LGSN: variants seen among roughly 807,000 people sequenced by gnomAD.
The protein encoded by LGSN is lengsin.
Under a neutral mutation model 19.5 loss-of-function variants are expected in LGSN, and 21 were observed. That is an observed-to-expected ratio of 1.07 (90% CI 0.76 to 1.55). LGSN has a LOEUF of 1.55. Among genes scored for constraint, LGSN ranks in the 40% most tolerant of loss-of-function variants. LGSN has a pLI of 0.00. For synonymous variants in LGSN, 257 were observed against 215.6 expected (o/e 1.19, Z -1.68); for missense variants, 673 against 608.5 (o/e 1.11, Z -1.12).
the LGSN span, among the ~76,000 whole-genome samples, chr6:63,557,588 A>T: frequency 6.6e-6 from 1 of 152,136 alleles, no homozygotes; most frequent in East Asian, 1.9e-4. Flanking sequence ...ATATAAATTA[A>T]TACTAGGTTT....
chr6:63,310,793 G>A (rs371410710), intron 1 of LGSN, among the ~76,000 whole-genome samples: 1 of 152,124 alleles, frequency 6.6e-6, no homozygotes, highest in African/African-American at 2.4e-5. Flanking sequence ...GCTGTAAACT[G>A]GATGCTTATG....
the LGSN span, among the ~76,000 whole-genome samples, chr6:63,369,243 G>A: frequency 6.6e-6 from 1 of 152,164 alleles, no homozygotes. Context: ...ACTTTTTGAA[G>A]TGTAAATAGA....
At chr6:63,373,014 CCT>C in the LGSN span, among the ~76,000 whole-genome samples, 175 of 152,210 alleles carry the variant, frequency 1.1e-3, 2 homozygotes, top group Non-Finnish European at 8.8e-5. Context: ...CACAAAATAT[CCT>C]CTGTTACATT....
the LGSN span, among the ~76,000 whole-genome samples, chr6:63,363,324 A>G: frequency 3.3e-5 from 5 of 152,264 alleles, no homozygotes; most frequent in Admixed American, 3.3e-4. Context: ...CTCACCAGCA[A>G]CAGAACAAAG....
the LGSN span, among the ~76,000 whole-genome samples, chr6:63,511,130 C>T: frequency 6.6e-6 from 1 of 152,140 alleles, no homozygotes; most frequent in South Asian, 2.1e-4. Flanking sequence ...CCTGGTTCTA[C>T]ATTCCCACCT....
At chr6:63,410,762 A>G in the LGSN span, among the ~76,000 whole-genome samples, 1 of 152,160 alleles carries the variant, frequency 6.6e-6, no homozygotes, top group Non-Finnish European at 1.5e-5. Context: ...AGTATTTAGT[A>G]TGGTATTGGG....
Position 63,276,843 on chromosome 6 carries a change from A to G in LGSN, c.*3178T>C, listed in dbSNP as rs1405506872. 6.6e-6 allele frequency: 1 copy of G among 152,216 alleles called. No individual in the cohort carries two copies. The highest frequency in any genetic ancestry group is 1.5e-5 in the Non-Finnish European group (1 of 68,042). 9.4% of individuals were successfully genotyped at this position (152,216 alleles called of 1,614,324 possible). The stretch of plus-strand genomic sequence containing the variant: ...AGCAGAAAGTCCTTTCAACAATAGA[A>G]AGCCTATGAACAGATGAAAGAAATA... On this transcript the variant is annotated 3_prime_UTR_variant, in exon 4 of 4. Transcript: ENST00000370657.
At chr6:63,412,494 G>GAAAGAAAGAAAGAAAGAAAC in the LGSN span, among the ~76,000 whole-genome samples, 4 of 81,534 alleles carry the variant, frequency 4.9e-5, no homozygotes, top group African/African-American at 2.6e-4. Flanking sequence ...AAGAAAGAAA[G>GAAAGAAAGAAAGAAAGAAAC]AAAGAAAGAA....
the LGSN span, among the ~76,000 whole-genome samples, chr6:63,510,448 C>A: frequency 7.4e-6 from 1 of 134,310 alleles, no homozygotes. Flanking sequence ...GTTTGACTAC[C>A]TTTCTTTTTT....
intron 1 of LGSN, among the ~76,000 whole-genome samples, chr6:63,312,438 T>C (rs1426427495): frequency 6.6e-6 from 1 of 152,248 alleles, no homozygotes; most frequent in Non-Finnish European, 1.5e-5. Flanking sequence ...CTCATAGTTA[T>C]GTTGTCTTCA....
At chr6:63,486,716 A>C in the LGSN span, among the ~76,000 whole-genome samples, 1 of 122,206 alleles carries the variant, frequency 8.2e-6, no homozygotes, top group Admixed American at 1.1e-4. Flanking sequence ...ACGGAGTCTC[A>C]CTCCATTGCC....
chr6:63,495,488 T>G, the LGSN span, among the ~76,000 whole-genome samples: 1 of 110,094 alleles, frequency 9.1e-6, no homozygotes, highest in African/African-American at 4.3e-5. Flanking sequence ...AGATGGAGTC[T>G]CAGTCTGTAG....
At chr6:63,528,095 C>T in the LGSN span, 1 of 152,180 alleles carries the variant, frequency 6.6e-6, no homozygotes, top group Admixed American at 6.5e-5. Context: ...GTAAGTGTGA[C>T]TTCCTCACTT....
chr6:63,301,303 T>C (rs1768174414), intron 1 of LGSN, among the ~76,000 whole-genome samples: 1 of 151,886 alleles, frequency 6.6e-6, no homozygotes, highest in Non-Finnish European at 1.5e-5. Flanking sequence ...AAAAAATAAA[T>C]ACAATAAAAT....
the LGSN span, among the ~76,000 whole-genome samples, chr6:63,471,014 C>T: frequency 1.4e-5 from 2 of 146,960 alleles, no homozygotes; most frequent in Non-Finnish European, 3.0e-5. Flanking sequence ...AATCTCAGCT[C>T]ACTGCAACTT....
chr6:63,378,096 G>A, the LGSN span, among the ~76,000 whole-genome samples: 1 of 149,552 alleles, frequency 6.7e-6, no homozygotes, highest in Non-Finnish European at 1.5e-5. Flanking sequence ...AATCTAGAAA[G>A]AGAAAAGTAT....
the LGSN span, among the ~76,000 whole-genome samples, chr6:63,400,700 A>G: frequency 6.6e-6 from 1 of 152,258 alleles, no homozygotes; most frequent in Non-Finnish European, 1.5e-5. Flanking sequence ...TGTACAATAA[A>G]ACATAAATTT....
the LGSN span, among the ~76,000 whole-genome samples, chr6:63,511,492 G>A: frequency 6.6e-6 from 1 of 152,094 alleles, no homozygotes; most frequent in Non-Finnish European, 1.5e-5. Flanking sequence ...CTGACCTCAG[G>A]TGATCCACCC....
At chr6:63,404,583 G>A in the LGSN span, among the ~76,000 whole-genome samples, 6 of 151,964 alleles carry the variant, frequency 3.9e-5, no homozygotes, top group Admixed American at 3.9e-4. Flanking sequence ...TCTTATAGAT[G>A]GACATCTTCT....
Sources: allele counts gnomAD v4.1 joint callset (sites outside exome capture counted in the v4.1 genomes callset), GRCh38; gene constraint gnomAD v4.1.1; transcripts MANE v1.5; gene names NCBI Gene and HGNC (gene_info 2026-07-23, HGNC 2026-07-21).